Variants in DIXDC1 observed in about 807,000 individuals in gnomAD.
DIXDC1 encodes the protein DIX domain containing 1.
A neutral mutation model predicts 103.1 loss-of-function variants in DIXDC1; 64 were observed. The ratio of observed to expected loss-of-function variants is 0.62; its 90% CI spans 0.51 to 0.76. DIXDC1 has a LOEUF of 0.76. Among genes scored for constraint, DIXDC1 ranks in the 30% least tolerant of loss-of-function variants. The probability of loss-of-function intolerance (pLI) is 0.00; values close to 1 mark genes in which losing one functional copy is unlikely to be tolerated. For synonymous variants in DIXDC1, 266 were observed against 298.5 expected (o/e 0.89, Z 1.12); for missense variants, 759 against 834.2 (o/e 0.91, Z 1.11).
chr11:111,997,939 G>C (rs1235278792), intron 17 of DIXDC1, among the ~76,000 whole-genome samples: 1 of 152,088 alleles, frequency 6.6e-6, no homozygotes, highest in African/African-American at 2.4e-5. Flanking sequence ...TCTTACTCCT[G>C]TACATCAAAA....
At chr11:112,016,287 TTTTC>T (rs1861587295) in intron 17 of DIXDC1, among the ~76,000 whole-genome samples, 2 of 152,122 alleles carry the variant, frequency 1.3e-5, no homozygotes, top group Admixed American at 6.5e-5. Context: ...TCCTATCGGT[TTTTC>T]TTTCTATGAG....
chr11:111,966,209 T>G (rs1324218013), intron 2 of DIXDC1, among the ~76,000 whole-genome samples: 4 of 124,264 alleles, frequency 3.2e-5, no homozygotes, highest in South Asian at 2.7e-4. Context: ...AACCCGGGGT[T>G]TTTTTTTTTT....
chr11:111,928,015 C>CA (rs782156043), intron 1 of DIXDC1, among the ~76,000 whole-genome samples: 4,610 of 68,120 alleles, frequency 0.068, 404 homozygotes, highest in African/African-American at 0.17. Context: ...GACTCCATCT[C>CA]AAAAAAAAAA....
chr11:111,927,597 C>G (rs1965867708), intron 1 of DIXDC1, among the ~76,000 whole-genome samples: 1 of 152,130 alleles, frequency 6.6e-6, no homozygotes. Context: ...ACGCACTCCC[C>G]TTTCTCGATC....
upstream of DIXDC1, chr11:111,937,140 G>GGGGGT (rs1566450832): frequency 5.3e-6 from 4 of 749,810 alleles, no homozygotes; most frequent in South Asian, 6.1e-5. Context: ...GCGGGGGGGG[G>GGGGGT]GTGTGCGCGT....
chr11:111,965,758 A>G (rs1466361528), intron 2 of DIXDC1, among the ~76,000 whole-genome samples: 1 of 152,194 alleles, frequency 6.6e-6, no homozygotes, highest in Non-Finnish European at 1.5e-5. Context: ...GTCAAACAAA[A>G]TAGCTAAGCA....
chr11:111,975,238 TG>T, intron 5 of DIXDC1: 2 of 1,271,244 alleles, frequency 1.6e-6, no homozygotes, highest in Non-Finnish European at 2.0e-6. Context: ...TGTGACCACA[TG>T]GGGGCATGGC....
At chr11:111,939,858 T>C (rs1555168633) in intron 1 of DIXDC1, among the ~76,000 whole-genome samples, 2 of 152,224 alleles carry the variant, frequency 1.3e-5, no homozygotes, top group Admixed American at 1.3e-4. Flanking sequence ...GATAAGGATG[T>C]AAACAGTGAT....
chr11:111,949,787 A>C (rs190870726), intron 1 of DIXDC1, among the ~76,000 whole-genome samples: 12 of 152,114 alleles, frequency 7.9e-5, no homozygotes, highest in Admixed American at 3.3e-4. Flanking sequence ...TCCTCCTTCC[A>C]TCACCTCTGC....
intron 1 of DIXDC1, among the ~76,000 whole-genome samples, chr11:111,944,862 C>T (rs1271331645): frequency 6.6e-6 from 1 of 152,218 alleles, no homozygotes; most frequent in Admixed American, 6.5e-5. Flanking sequence ...TTGTTCTAGA[C>T]ATTTATTACA....
Position 111,977,159 on chromosome 11 carries a change from CCT to C in DIXDC1, c.656+2178_656+2179del. 4.4e-6 allele frequency: 3 copies of C among 680,710 alleles called. No individual in the cohort carries two copies. The highest frequency in any genetic ancestry group is 5.4e-6 in the Non-Finnish European group (3 of 551,188). The allele number at this position is 680,710 out of a possible 1,614,324, so 42.2% of individuals were successfully genotyped here. A position where few individuals can be genotyped will look rare whatever the true frequency, so the allele number is the denominator to read the frequency against. Reference sequence around the variant, plus strand: ...CCCCTCGTCGACGTCCCCACCCCCACCTCCACCCCGCCCAGCCCCGCCCCTGG... The same window carrying C: ...CCCCTCGTCGACGTCCCCACCCCCACCCACCCCGCCCAGCCCCGCCCCTGG... On this transcript the variant is annotated intron_variant, in intron 5 of 19. Transcript: ENST00000440460. This position sits in a 1 kb window ranked among gnomAD's most constrained non-coding sequence, Gnocchi z 6.1.
intron 1 of DIXDC1, among the ~76,000 whole-genome samples, chr11:111,941,532 T>C (rs1447082812): frequency 3.3e-5 from 5 of 151,620 alleles, no homozygotes; most frequent in African/African-American, 4.9e-5. Flanking sequence ...AATATAGGAA[T>C]AGGCCAGGCA....
chr11:111,969,115 T>C (rs587723795), intron 3 of DIXDC1, among the ~76,000 whole-genome samples: 2 of 151,908 alleles, frequency 1.3e-5, no homozygotes, highest in East Asian at 3.9e-4. Context: ...CTTGAGTGTA[T>C]GTAGGAAAAT....
At chr11:111,978,816 C>A (rs782681612) in intron 5 of DIXDC1, among the ~76,000 whole-genome samples, 5 of 152,192 alleles carry the variant, frequency 3.3e-5, no homozygotes, top group Admixed American at 6.5e-5. Flanking sequence ...GCAGCTCTTG[C>A]AGGCCGCTTT....
rs781880662 is a variant in DIXDC1 at position 111,995,021 on chromosome 11, G to A, written c.1440G>A (p.Ala480=). Residue 480 remains alanine (A), a splice_region_variant and synonymous_variant, in exon 15 of 20, where the codon GCG becomes GCA. Coordinates refer to ENST00000440460, the MANE Select transcript of DIXDC1 (RefSeq NM_001037954.4). ...AACATTTCTTCATGCTGCTGTAGGC[G>A]ACCAACTACAACAGTCACAACTCTC... ...AHCMKREADE[A]TNYNSHNSQS... 2 of 1,613,176 alleles carry A rather than the reference G, an allele frequency of 1.2e-6. No homozygotes were observed. Among genetic ancestry groups the A allele is most frequent in the Non-Finnish European group, 8.5e-7 (1 of 1,179,792 alleles).
At chr11:111,964,807 A>T (rs1859677016) in intron 2 of DIXDC1, 129 bp downstream of exon 2, 2 of 1,164,504 alleles carry the variant, frequency 1.7e-6, no homozygotes, top group African/African-American at 1.6e-5. Context: ...GAGAAGACTT[A>T]AAATACTTGC....
At chr11:111,999,956 C>T (rs979865166) in intron 17 of DIXDC1, among the ~76,000 whole-genome samples, 3 of 151,732 alleles carry the variant, frequency 2.0e-5, no homozygotes, top group East Asian at 3.9e-4. Flanking sequence ...GCCAACCTGG[C>T]GAAACCCTGT....
intron 1 of DIXDC1, among the ~76,000 whole-genome samples, chr11:111,955,987 T>TACACACACAC (rs71461600): frequency 0.013 from 1,796 of 142,576 alleles, 21 homozygotes; most frequent in African/African-American, 0.027. Flanking sequence ...TATATATGTG[T>TACACACACAC]ACACACACAC....
At chr11:111,966,169 G>T (rs1302374150) in intron 2 of DIXDC1, among the ~76,000 whole-genome samples, 2 of 146,902 alleles carry the variant, frequency 1.4e-5, no homozygotes, top group African/African-American at 5.0e-5. Context: ...CAAAACCTAG[G>T]CCCTTTTTTT....
Sources: gnomAD v4.1 joint callset for allele counts (sites outside exome capture counted in the v4.1 genomes callset) on GRCh38, gnomAD v4.1.1 for gene constraint, Gnocchi (gnomAD v3.1) non-coding constraint, MANE v1.5 for transcripts, NCBI Gene and HGNC (gene_info 2026-07-23, HGNC 2026-07-21) for gene names.